The following EFCAB7 variants were observed in gnomAD, a reference collection of about 807,000 sequenced individuals.
EFCAB7 encodes EF-hand calcium binding domain 7.
EFCAB7 carries 66 observed loss-of-function variants against 77.1 expected under a neutral mutation model. The ratio of observed to expected loss-of-function variants is 0.86; its 90% CI spans 0.70 to 1.05. EFCAB7 has a LOEUF of 1.05. EFCAB7 is among the 50% of genes least tolerant of loss of function. The pLI is 0.00. For missense variants in EFCAB7, 638 were observed against 730.5 expected (o/e 0.87, Z 1.46); for synonymous variants, 225 against 243.3 (o/e 0.92, Z 0.70).
intron 10 of EFCAB7, among the ~76,000 whole-genome samples, chr1:63,560,300 T>C (rs192356210): frequency 6.6e-6 from 1 of 152,184 alleles, no homozygotes; most frequent in Non-Finnish European, 1.5e-5. Flanking sequence ...TTTTAAGTTT[T>C]AAAAAGTAGA....
chr1:63,558,776 T>G (rs1647058722), intron 10 of EFCAB7, among the ~76,000 whole-genome samples: 2 of 152,132 alleles, frequency 1.3e-5, no homozygotes. Context: ...TTTATTTATT[T>G]TTTTGAGATG....
At chr1:63,529,559 C>G (rs1646657732) in intron 2 of EFCAB7, 1 of 151,530 alleles carries the variant, frequency 6.6e-6, no homozygotes, top group African/African-American at 2.4e-5. Context: ...ACTAAAAATA[C>G]AAAATTAGCT....
In EFCAB7 at chr1:63,532,861, A is replaced by C. The variant is rs1263407712; in HGVS notation, c.486+105A>C. 9.8e-6 allele frequency: 8 copies of C among 816,776 alleles called. No homozygotes were observed. In the East Asian group the frequency reaches 1.1e-4, roughly 11 times the overall value. 50.6% of individuals were successfully genotyped at this position (816,776 alleles called of 1,614,324 possible). A position where few individuals can be genotyped will look rare whatever the true frequency, so the allele number is the denominator to read the frequency against. On this transcript the variant is annotated intron_variant, in intron 4 of 13. Coordinates refer to ENST00000371088, the MANE Select transcript of EFCAB7 (RefSeq NM_032437.4). ...TAATTGACATTACAGTGTACATGCAATGTTTTGATATATGTATACATTGTG... is the reference window on the plus strand; with the variant it reads ...TAATTGACATTACAGTGTACATGCACTGTTTTGATATATGTATACATTGTG...
At position 63,533,484 on chromosome 1, in the gene EFCAB7, C is replaced by A. The variant is rs1646725804; in HGVS notation, c.517C>A (p.Gln173Lys). ...TAAATTATATATGACAACCAACGAGCAATGTCTCAAGACTACACTAGAAAA... is the reference window on the plus strand; with the variant it reads ...TAAATTATATATGACAACCAACGAGAAATGTCTCAAGACTACACTAGAAAA... Reference protein sequence around the residue: ...FCKLYMTTNEQCLKTTLEKLE... With the variant: ...FCKLYMTTNEKCLKTTLEKLE... Residue 173 changes from glutamine (Q) to lysine (K), a missense_variant, in exon 5 of 14, where the codon CAA (glutamine) becomes AAA (lysine). Physicochemically the swap from Gln to Lys is moderately conservative, Grantham distance 53. Coordinates refer to ENST00000371088, the MANE Select transcript of EFCAB7 (RefSeq NM_032437.4). 1 of 1,603,706 alleles carries A rather than the reference C, an allele frequency of 6.2e-7. No homozygotes were observed. The highest frequency in any genetic ancestry group is 1.4e-5 in the African/African-American group (1 of 73,986).
chr1:63,528,123 C>T (rs1646629146), intron 2 of EFCAB7, among the ~76,000 whole-genome samples: 1 of 152,112 alleles, frequency 6.6e-6, no homozygotes, highest in African/African-American at 2.4e-5. Flanking sequence ...TATCTGCACT[C>T]CCATGTTTAC....
chr1:63,555,570 A>G, intron 9 of EFCAB7, 55 bp downstream of exon 9: 16 of 1,488,226 alleles, frequency 1.1e-5, no homozygotes, highest in Non-Finnish European at 1.4e-5. Flanking sequence ...ATAGATATTA[A>G]TAGCCTGTGT....
At chr1:63,558,623 A>G (rs1647056898) in intron 10 of EFCAB7, among the ~76,000 whole-genome samples, 1 of 152,206 alleles carries the variant, frequency 6.6e-6, no homozygotes, top group African/African-American at 2.4e-5. Flanking sequence ...CAAAGAAATG[A>G]GAGCTTTTAA....
At chr1:63,580,981 G>T in the EFCAB7 span, among the ~76,000 whole-genome samples, 3 of 151,896 alleles carry the variant, frequency 2.0e-5, no homozygotes, top group African/African-American at 7.3e-5. Flanking sequence ...TATCCCTTGG[G>T]ATTTTCTACT....
chr1:63,558,757 G>GTTTA (rs544976807), intron 10 of EFCAB7, among the ~76,000 whole-genome samples: 23 of 151,836 alleles, frequency 1.5e-4, no homozygotes, highest in African/African-American at 5.3e-4. Context: ...GCTTTATTTT[G>GTTTA]TTTATTTATT....
Position 63,532,652 on chromosome 1 carries a change from C to G in EFCAB7, c.400-18C>G, listed in dbSNP as rs1646712546. The G allele has an allele frequency of 6.4e-7, 1 of 1,557,418 alleles. No homozygotes were observed. The highest frequency in any genetic ancestry group is 8.7e-7 in the Non-Finnish European group (1 of 1,149,902). ...GTAATCATGTTGCTTTAAAATAAAT[C>G]TTGTTTTTTTTTTTCAGAGAGGTGA... On this transcript the variant is annotated intron_variant, in intron 3 of 13. Coordinates refer to ENST00000371088, the MANE Select transcript of EFCAB7 (RefSeq NM_032437.4).
intron 2 of EFCAB7, among the ~76,000 whole-genome samples, chr1:63,528,540 T>A (rs1252474752): frequency 6.6e-6 from 1 of 152,056 alleles, no homozygotes; most frequent in Non-Finnish European, 1.5e-5. Context: ...AAAAAATCAT[T>A]TAAGTGTACA....
the EFCAB7 span, among the ~76,000 whole-genome samples, chr1:63,582,112 AG>A: frequency 3.3e-5 from 5 of 152,266 alleles, no homozygotes; most frequent in Admixed American, 1.3e-4. Flanking sequence ...CTAAACTGTG[AG>A]AGCAGCTTGT....
At chr1:63,532,070 C>G (rs1422329837) in intron 3 of EFCAB7, 39 bp downstream of exon 3, 1 of 1,490,224 alleles carries the variant, frequency 6.7e-7, no homozygotes, top group African/African-American at 1.4e-5. Context: ...TGCATATTTT[C>G]TAAAACAGCT....
At chr1:63,528,648 C>T (rs1646639576) in intron 2 of EFCAB7, among the ~76,000 whole-genome samples, 1 of 151,794 alleles carries the variant, frequency 6.6e-6, no homozygotes, top group South Asian at 2.1e-4. Flanking sequence ...TATTGCATAC[C>T]TGTATCAAAA....
At chr1:63,583,323 A>G in the EFCAB7 span, among the ~76,000 whole-genome samples, 1 of 152,208 alleles carries the variant, frequency 6.6e-6, no homozygotes, top group Non-Finnish European at 1.5e-5. Flanking sequence ...TTGAAGGGAA[A>G]AGATAAACAC....
downstream of EFCAB7, among the ~76,000 whole-genome samples, chr1:63,573,867 T>G (rs1254979879): frequency 7.3e-6 from 1 of 137,196 alleles, no homozygotes; most frequent in Non-Finnish European, 1.5e-5. Flanking sequence ...CTTGGTGAGG[T>G]GTTTTTTAAA....
chr1:63,523,950 T>C (rs1557665099), intron 1 of EFCAB7, among the ~76,000 whole-genome samples: 1 of 152,170 alleles, frequency 6.6e-6, no homozygotes, highest in Non-Finnish European at 1.5e-5. Context: ...TGGTTATTTA[T>C]GGAGCCGTTT....
downstream of EFCAB7, among the ~76,000 whole-genome samples, chr1:63,574,263 AT>A (rs1303088010): frequency 6.6e-6 from 1 of 152,200 alleles, no homozygotes; most frequent in Non-Finnish European, 1.5e-5. Flanking sequence ...GTAGAGTCCC[AT>A]GATGGAAAGG....
intron 7 of EFCAB7, chr1:63,550,244 C>A (rs1646949121): frequency 6.6e-6 from 1 of 152,144 alleles, no homozygotes; most frequent in Admixed American, 6.6e-5. Flanking sequence ...CTTTAAATCG[C>A]CCCATAGTTT....
Sources: allele counts gnomAD v4.1 joint callset (sites outside exome capture counted in the v4.1 genomes callset), GRCh38; gene constraint gnomAD v4.1.1; transcripts MANE v1.5; gene names NCBI Gene and HGNC (gene_info 2026-07-23, HGNC 2026-07-21).